PSD3: variants seen among roughly 807,000 people sequenced by gnomAD.
The protein encoded by PSD3 is pleckstrin and Sec7 domain containing 3, also known as PH and SEC7 domain-containing protein 3.
Under a neutral mutation model 105.5 loss-of-function variants are expected in PSD3, and 49 were observed. The ratio of observed to expected loss-of-function variants is 0.46; its 90% confidence interval spans 0.37 to 0.59. The LOEUF (loss-of-function observed/expected upper bound fraction) is 0.59, where lower values mean the gene tolerates loss of function less well. Among genes scored for constraint, PSD3 ranks in the 20% least tolerant of loss-of-function variants. PSD3 has a pLI of 0.00. For missense variants in PSD3, 1,561 were observed against 1,263.8 expected, an observed-to-expected ratio of 1.24 and a Z score of -3.57; for synonymous variants, 557 against 457.8, an observed-to-expected ratio of 1.22 and a Z score of -2.77.
chr8:18,872,151 T>C lies in PSD3; in HGVS notation c.713A>G (p.Lys238Arg). 2 of 1,614,134 alleles carry C rather than the reference T, an allele frequency of 1.2e-6. No homozygotes were observed. The highest frequency in any genetic ancestry group is 1.7e-5 in the Admixed American group (1 of 60,022). The change falls in exon 3 of 16, where the codon AAA becomes AGA. Residue 238 changes from lysine (K) to arginine (R), a missense_variant. Transcript: ENST00000327040. The part of the protein sequence containing the change: ...EISQIMNNGR[K>R]GAVCVQEPSC... ...TGGCTCCTGCACACAGACAGCCCCT[T>C]TCCTCCCATTATTCATTATCTGGGA... is the stretch of plus-strand genomic sequence containing the variant.
chr8:18,612,193 G>A (rs898889675), intron 11 of PSD3, among the ~76,000 whole-genome samples: 4 of 152,132 alleles, frequency 2.6e-5, no homozygotes, highest in Non-Finnish European at 4.4e-5. Flanking sequence ...AAGACCTTAA[G>A]TTTTTACTTC....
At position 18,778,326 on chromosome 8, in the gene PSD3, A is replaced by C. The variant is rs141465957; in HGVS notation, c.2083-12788T>G. 6.7e-3 allele frequency among the ~76,000 whole-genome samples: 1,013 copies of C among 152,284 alleles called. 10 individuals carry two copies. Among genetic ancestry groups the C allele is most frequent in the African/African-American group, 0.023 (953 of 41,552 alleles). Reference sequence around the variant, plus strand: ...TGTGTACACTGATTTTTTACCTTGAAACTTTACTGAGTTCATCTATCAGAT... The same window carrying C: ...TGTGTACACTGATTTTTTACCTTGACACTTTACTGAGTTCATCTATCAGAT... On this transcript the variant is annotated intron_variant, in intron 8 of 15. Transcript: ENST00000327040.
chr8:18,894,582 C>T (rs1212006404), intron 2 of PSD3, among the ~76,000 whole-genome samples: 2 of 151,510 alleles, frequency 1.3e-5, no homozygotes. Flanking sequence ...GGAGTCTAAA[C>T]TTGAACTGGG....
chr8:18,757,845 TTA>T (rs1267824799), intron 9 of PSD3, among the ~76,000 whole-genome samples: 4 of 152,216 alleles, frequency 2.6e-5, no homozygotes, highest in Admixed American at 2.6e-4. Flanking sequence ...TTTAATACTG[TTA>T]TATAGTTATT....
chr8:18,637,977 A>G (rs777607819), intron 10 of PSD3, among the ~76,000 whole-genome samples: 27 of 152,012 alleles, frequency 1.8e-4, no homozygotes, highest in Admixed American at 8.5e-4. Context: ...CCAAAATGGT[A>G]AAACCCCATC....
chr8:18,701,234 T>C (rs764810499), intron 9 of PSD3, among the ~76,000 whole-genome samples: 16 of 151,560 alleles, frequency 1.1e-4, no homozygotes, highest in Non-Finnish European at 1.6e-4. Context: ...CTTCCCCAAA[T>C]TCTGAGATTA....
At chr8:18,603,475 C>T (rs2717759) in intron 11 of PSD3, among the ~76,000 whole-genome samples, 116,206 of 152,050 alleles carry the variant, frequency 0.76, 44,734 homozygotes, top group East Asian at 0.94. Context: ...CTTTTGGTGG[C>T]CAATCTTCTA....
intron 8 of PSD3, among the ~76,000 whole-genome samples, chr8:18,775,795 G>C (rs335225): frequency 6.6e-6 from 1 of 152,070 alleles, no homozygotes; most frequent in Non-Finnish European, 1.5e-5. Flanking sequence ...TCACTTTGTT[G>C]ATTATTTCCT....
intron 11 of PSD3, among the ~76,000 whole-genome samples, chr8:18,625,712 C>T (rs375450224): frequency 6.6e-6 from 1 of 152,104 alleles, no homozygotes; most frequent in East Asian, 1.9e-4. Flanking sequence ...TTTGTTCCAC[C>T]AGATACACTG....
chr8:19,016,691 G>T (rs1479842592), upstream of PSD3, among the ~76,000 whole-genome samples: 1 of 152,164 alleles, frequency 6.6e-6, no homozygotes, highest in African/African-American at 2.4e-5. Flanking sequence ...CACAGACTAG[G>T]TAATTAATAA....
intron 3 of PSD3, among the ~76,000 whole-genome samples, chr8:18,868,951 A>T (rs1026883369): frequency 1.3e-5 from 2 of 152,186 alleles, no homozygotes; most frequent in African/African-American, 2.4e-5. Flanking sequence ...TACAAATAGG[A>T]ATAACATAGA....
intron 9 of PSD3, among the ~76,000 whole-genome samples, chr8:18,731,538 G>T (rs936145167): frequency 2.0e-5 from 3 of 152,170 alleles, no homozygotes; most frequent in Non-Finnish European, 4.4e-5. Context: ...ACAGCTTGAG[G>T]AAAGGAATTG....
chr8:18,968,502 G>A (rs1206783482), intron 1 of PSD3, among the ~76,000 whole-genome samples: 1 of 152,138 alleles, frequency 6.6e-6, no homozygotes, highest in Admixed American at 6.5e-5. Flanking sequence ...CACGATGCAC[G>A]CTTCTTTATA....
chr8:18,916,939 A>G (rs928141048), intron 2 of PSD3, among the ~76,000 whole-genome samples: 8 of 152,100 alleles, frequency 5.3e-5, no homozygotes, highest in African/African-American at 1.9e-4. Context: ...TTTAAATAAT[A>G]TAAAATCTCT....
chr8:18,614,874 G>T lies in PSD3; in HGVS notation c.2411-14440C>A, dbSNP rs111588150. Among the ~76,000 whole-genome samples the T allele has an allele frequency of 7.9e-3, 1,193 of 151,756 alleles. 15 individuals carry two copies. Among genetic ancestry groups the T allele is most frequent in the African/African-American group, 0.027 (1,114 of 41,320 alleles). ...TGGTCTCGAACTGCTGGGCTTAAGC[G>T]ATCCTCCTGCCTCAGCCTCCCTAAG... is the stretch of plus-strand genomic sequence containing the variant. On this transcript the variant is annotated intron_variant, in intron 11 of 15. Coordinates refer to ENST00000327040, the MANE Select transcript of PSD3 (RefSeq NM_015310.4).
chr8:18,967,382 CG>C (rs1341625206), intron 1 of PSD3, among the ~76,000 whole-genome samples: 1 of 151,888 alleles, frequency 6.6e-6, no homozygotes, highest in Non-Finnish European at 1.5e-5. Context: ...CTCAAACTCC[CG>C]ATCTAAGGTG....
At chr8:18,739,515 T>A (rs1247417651) in intron 9 of PSD3, among the ~76,000 whole-genome samples, 1 of 152,192 alleles carries the variant, frequency 6.6e-6, no homozygotes, top group Non-Finnish European at 1.5e-5. Context: ...AGGTAATATG[T>A]ACTTTGAAAT....
rs145253049 is a variant in PSD3, at chr8:18,619,780, A to G, written c.2410+12833T>C. On this transcript the variant is annotated intron_variant, in intron 11 of 15. Coordinates refer to ENST00000327040, the MANE Select transcript of PSD3 (RefSeq NM_015310.4). ...TTACTCCCCAACCTGACTCTGGTAT[A>G]GCATCACATGACAGCAGACCCTGAA... Among the ~76,000 whole-genome samples the G allele has an allele frequency of 1.9e-3, 294 of 152,356 alleles. 1 individual carries two copies. Among genetic ancestry groups the G allele is most frequent in the African/African-American group, 6.6e-3 (276 of 41,588 alleles).
chr8:19,052,099 A>G (rs1183051323), intron 1 of PSD3, among the ~76,000 whole-genome samples: 1 of 152,238 alleles, frequency 6.6e-6, no homozygotes, highest in Non-Finnish European at 1.5e-5. Flanking sequence ...ATTGGATGGA[A>G]GCAAAGGTGG....
Sources: gnomAD v4.1 joint callset for allele counts (sites outside exome capture counted in the v4.1 genomes callset) on GRCh38, gnomAD v4.1.1 for gene constraint, MANE v1.5 for transcripts, NCBI Gene and HGNC (gene_info 2026-07-23, HGNC 2026-07-21) for gene names.